MACROD2: variants seen among roughly 807,000 people sequenced by gnomAD.
MACROD2 encodes the protein ADP-ribose glycohydrolase MACROD2.
Under a neutral mutation model 70.4 loss-of-function variants are expected in MACROD2, and 36 were observed. That is an observed-to-expected ratio of 0.51 (90% confidence interval 0.39 to 0.68). MACROD2 has a LOEUF of 0.68. Ranked by LOEUF, MACROD2 falls within the 30% of genes least tolerant of loss-of-function variation. MACROD2 has a pLI of 0.00. For missense variants in MACROD2, 496 were observed against 538.4 expected, an observed-to-expected ratio of 0.92 and a Z score of 0.78; for synonymous variants, 172 against 178.8, an observed-to-expected ratio of 0.96 and a Z score of 0.30.
intron 3 of MACROD2, among the ~76,000 whole-genome samples, chr20:14,157,388 A>G (rs2055117764): frequency 6.6e-6 from 1 of 151,922 alleles, no homozygotes; most frequent in Non-Finnish European, 1.5e-5. Context: ...TATCATTTGT[A>G]TATGTTGGGA....
chr20:15,102,504 CAT>C (rs2075880608), intron 5 of MACROD2, among the ~76,000 whole-genome samples: 1 of 151,834 alleles, frequency 6.6e-6, no homozygotes, highest in African/African-American at 2.4e-5. Context: ...TGGGACCTGA[CAT>C]ATTAGTTAGT....
At position 14,714,150 on chromosome 20, in the gene MACROD2, C is replaced by T. The variant is rs2071370047; in HGVS notation, c.418+29191C>T. 3.3e-5 allele frequency among the ~76,000 whole-genome samples: 5 copies of T among 152,234 alleles called. No homozygotes were observed. In the South Asian group the frequency reaches 1.0e-3, roughly 32 times the overall value. The stretch of plus-strand genomic sequence containing the variant: ...TCCTGAGTGCCAGCATAGACTGAGC[C>T]TGTTGCCATGGGTACGTGGAAAATG... On this transcript the variant is annotated intron_variant, in intron 5 of 17. Transcript: ENST00000684519.
intron 12 of MACROD2, among the ~76,000 whole-genome samples, chr20:15,946,108 C>A (rs1038617131): frequency 6.6e-6 from 1 of 152,100 alleles, no homozygotes; most frequent in Admixed American, 6.6e-5. Context: ...GATGTAAAAC[C>A]CAAAGCACTT....
At chr20:14,953,331 G>T (rs1473148879) in intron 5 of MACROD2, among the ~76,000 whole-genome samples, 1 of 152,052 alleles carries the variant, frequency 6.6e-6, no homozygotes, top group African/African-American at 2.4e-5. Context: ...TTTGAGACAG[G>T]AGTCTCTCTC....
intron 5 of MACROD2, among the ~76,000 whole-genome samples, chr20:14,847,494 T>G (rs2073155991): frequency 6.6e-6 from 1 of 151,084 alleles, no homozygotes; most frequent in Admixed American, 6.6e-5. Flanking sequence ...TGTTTTTTTT[T>G]TTTTTTTTTT....
chr20:14,028,739 C>T (rs918243544), intron 2 of MACROD2, among the ~76,000 whole-genome samples: 4 of 152,172 alleles, frequency 2.6e-5, no homozygotes, highest in African/African-American at 7.2e-5. Flanking sequence ...TGCTCGCCCT[C>T]CCTCTGTCAA....
intron 13 of MACROD2, among the ~76,000 whole-genome samples, chr20:15,985,121 C>T (rs540435957): frequency 6.6e-6 from 1 of 152,276 alleles, no homozygotes; most frequent in East Asian, 1.9e-4. Flanking sequence ...GTCACAGTAA[C>T]ACCGTAATCT....
intron 8 of MACROD2, among the ~76,000 whole-genome samples, chr20:15,557,757 C>T (rs1172810241): frequency 6.6e-6 from 1 of 152,166 alleles, no homozygotes; most frequent in Non-Finnish European, 1.5e-5. Context: ...GGGAATTGGG[C>T]TTAATTTGGT....
Position 14,102,428 on chromosome 20 carries a change from C to CTAAA in MACROD2, c.271+16705_271+16708dup, listed in dbSNP as rs1246123488. ...AGACTTCTTAATTTGGGATAACCAT[C>CTAAA]TAAATAAACAATTAACAGCTGGCTA... is the stretch of plus-strand genomic sequence containing the variant. On this transcript the variant is annotated intron_variant, in intron 3 of 17. Coordinates refer to ENST00000684519, the MANE Select transcript of MACROD2 (RefSeq NM_001351661.2). Among the ~76,000 whole-genome samples the CTAAA allele has an allele frequency of 3.3e-5, 5 of 152,206 alleles. No homozygotes were observed. The East Asian group carries it at 9.7e-4, about 29-fold the overall frequency.
intron 4 of MACROD2, among the ~76,000 whole-genome samples, chr20:14,560,491 G>A (rs1297359365): frequency 1.3e-5 from 2 of 151,672 alleles, no homozygotes; most frequent in East Asian, 3.9e-4. Flanking sequence ...GCCTATTTCT[G>A]GGATTTACAG....
At chr20:14,297,982 A>T (rs1037636643) in intron 3 of MACROD2, among the ~76,000 whole-genome samples, 1 of 151,882 alleles carries the variant, frequency 6.6e-6, no homozygotes, top group African/African-American at 2.4e-5. Context: ...GCTAATAAGA[A>T]TTATGCTTAC....
intron 2 of MACROD2, among the ~76,000 whole-genome samples, chr20:14,078,595 A>AG (rs1353564104): frequency 6.6e-6 from 1 of 151,978 alleles, no homozygotes; most frequent in African/African-American, 2.4e-5. Flanking sequence ...TTAGTAGAGA[A>AG]GGGGGTTTCA....
intron 5 of MACROD2, among the ~76,000 whole-genome samples, chr20:14,880,889 T>TG (rs2073603779): frequency 6.6e-6 from 1 of 152,132 alleles, no homozygotes; most frequent in Non-Finnish European, 1.5e-5. Context: ...CTCTTGTTGC[T>TG]GGGAGCTACT....
At chr20:15,484,247 C>T (rs1022003498) in intron 7 of MACROD2, among the ~76,000 whole-genome samples, 21 of 151,610 alleles carry the variant, frequency 1.4e-4, no homozygotes, top group Admixed American at 2.0e-4. Flanking sequence ...TCTTGACAGC[C>T]AAACATAATG....
chr20:14,084,263 C>T (rs1309233037), intron 2 of MACROD2, among the ~76,000 whole-genome samples: 1 of 151,578 alleles, frequency 6.6e-6, no homozygotes, highest in Non-Finnish European at 1.5e-5. Flanking sequence ...CTCTAATCCC[C>T]CAGGTGTCTC....
chr20:15,579,282 C>G (rs1600622272), intron 8 of MACROD2, among the ~76,000 whole-genome samples: 1 of 150,894 alleles, frequency 6.6e-6, no homozygotes. Context: ...GTAGCAAGCT[C>G]TGCTTATCAA....
chr20:15,240,948 C>G (rs1276516074), intron 6 of MACROD2, among the ~76,000 whole-genome samples: 2 of 152,150 alleles, frequency 1.3e-5, no homozygotes, highest in African/African-American at 4.8e-5. Context: ...ACCTCCAGAA[C>G]TGTGAGAAAT....
chr20:14,173,237 A>G (rs879739336), intron 3 of MACROD2, among the ~76,000 whole-genome samples: 4 of 152,160 alleles, frequency 2.6e-5, no homozygotes, highest in South Asian at 2.1e-4. Flanking sequence ...ATGTTTTCCA[A>G]ACTTTTAGAT....
In MACROD2 at chr20:15,519,624, C is replaced by T. The variant is rs142521671; in HGVS notation, c.645+19777C>T. Among the ~76,000 whole-genome samples the T allele has an allele frequency of 1.7e-4, 26 of 152,022 alleles. 1 individual carries two copies. In the South Asian group the frequency reaches 4.4e-3, roughly 26 times the overall value. Reference sequence around the variant, plus strand: ...AGGAGAATCTGTAAGATAAATAAGCCGTATATTTAAATTAACTGCTGGCTA... The same window carrying T: ...AGGAGAATCTGTAAGATAAATAAGCTGTATATTTAAATTAACTGCTGGCTA... On this transcript the variant is annotated intron_variant, in intron 8 of 17. Transcript: ENST00000684519.
Sources: gnomAD v4.1 joint callset for allele counts (sites outside exome capture counted in the v4.1 genomes callset) on GRCh38, gnomAD v4.1.1 for gene constraint, MANE v1.5 for transcripts, NCBI Gene and HGNC (gene_info 2026-07-23, HGNC 2026-07-21) for gene names.